Variants in GRIP1 observed in about 807,000 individuals in gnomAD.
GRIP1 encodes the protein glutamate receptor interacting protein 1.
Under a neutral mutation model 129.9 loss-of-function variants are expected in GRIP1, and 45 were observed. That is an observed-to-expected ratio of 0.35 (90% CI 0.27 to 0.44). The LOEUF (loss-of-function observed/expected upper bound fraction) is 0.44. GRIP1 is among the 20% of genes least tolerant of loss of function. The probability of loss-of-function intolerance (pLI) is 1.00; values close to 1 mark genes in which losing one functional copy is unlikely to be tolerated. For missense variants in GRIP1, 1,196 were observed against 1,396.8 expected (o/e 0.86, Z 2.29); for synonymous variants, 530 against 520.8 (o/e 1.02, Z -0.24).
intron 1 of GRIP1, among the ~76,000 whole-genome samples, chr12:66,704,481 G>A (rs918405478): frequency 6.6e-6 from 1 of 152,104 alleles, no homozygotes; most frequent in South Asian, 2.1e-4. Flanking sequence ...TGAAGAAACA[G>A]TGGGGGTAAA....
At chr12:66,971,586 T>G (rs998821971) in intron 1 of GRIP1, among the ~76,000 whole-genome samples, 1 of 152,174 alleles carries the variant, frequency 6.6e-6, no homozygotes, top group Non-Finnish European at 1.5e-5. Context: ...CTATAGTCCC[T>G]GCCCTTGAGG....
chr12:66,755,917 T>C (rs2037274655), intron 1 of GRIP1, among the ~76,000 whole-genome samples: 1 of 152,176 alleles, frequency 6.6e-6, no homozygotes, highest in South Asian at 2.1e-4. Flanking sequence ...TGGGTGCAGC[T>C]GCATGGCCAA....
chr12:66,463,336 A>T (rs984364639), intron 8 of GRIP1, among the ~76,000 whole-genome samples: 16 of 96,584 alleles, frequency 1.7e-4, no homozygotes, highest in African/African-American at 6.3e-4. Flanking sequence ...TCTTTCTTTA[A>T]AAAAAAAATC....
intron 19 of GRIP1, among the ~76,000 whole-genome samples, chr12:66,392,096 A>T (rs920856478): frequency 6.6e-6 from 1 of 152,208 alleles, no homozygotes; most frequent in Non-Finnish European, 1.5e-5. Flanking sequence ...GAGGCCTGTT[A>T]GTGTTTGGTA....
intron 13 of GRIP1, among the ~76,000 whole-genome samples, 183 bp downstream of exon 13, chr12:66,444,401 G>T (rs578104387): frequency 1.6e-4 from 24 of 150,628 alleles, no homozygotes; most frequent in African/African-American, 5.1e-4. Context: ...CAGGAGAATG[G>T]CGTGAACCCG....
rs140693829 is a variant in GRIP1, at chr12:66,724,113, G to C, written c.-420+79940C>G. On this transcript the variant is annotated intron_variant, in intron 1 of 4. Coordinates refer to the GRIP1 transcript ENST00000538373. ...CTGGGAATTCACGCTTGAGTAATGA[G>C]AGAAGATAGTTTGTATGTAGGTCTG... is the stretch of plus-strand genomic sequence containing the variant. Among the ~76,000 whole-genome samples the C allele has an allele frequency of 3.6e-3, 541 of 152,318 alleles. 8 individuals carry two copies. Among genetic ancestry groups the C allele is most frequent in the African/African-American group, 0.013 (521 of 41,566 alleles).
intron 1 of GRIP1, among the ~76,000 whole-genome samples, chr12:66,606,989 C>T (rs979332764): frequency 6.2e-5 from 9 of 145,018 alleles, no homozygotes; most frequent in African/African-American, 2.4e-4. Context: ...CACATCCTTA[C>T]TTGGAGAGAG....
intron 1 of GRIP1, among the ~76,000 whole-genome samples, chr12:66,725,626 G>A (rs555521592): frequency 6.6e-6 from 1 of 151,970 alleles, no homozygotes; most frequent in African/African-American, 2.4e-5. Context: ...AAATATTAGA[G>A]CTAGAAATGA....
At chr12:66,903,178 A>T (rs1404730108) in intron 1 of GRIP1, among the ~76,000 whole-genome samples, 1 of 152,188 alleles carries the variant, frequency 6.6e-6, no homozygotes, top group Non-Finnish European at 1.5e-5. Flanking sequence ...AACATGCAAA[A>T]AAGCATTAAA....
chr12:67,018,138 G>C (rs1473962230), intron 1 of GRIP1, among the ~76,000 whole-genome samples: 1 of 152,056 alleles, frequency 6.6e-6, no homozygotes, highest in Non-Finnish European at 1.5e-5. Flanking sequence ...CTCAGGGCTG[G>C]CCTTTCTCAG....
intron 7 of GRIP1, among the ~76,000 whole-genome samples, chr12:66,471,404 C>T (rs2059435377): frequency 6.6e-6 from 1 of 152,146 alleles, no homozygotes; most frequent in South Asian, 2.1e-4. Flanking sequence ...AAAATGACTG[C>T]TTAATGGATA....
intron 1 of GRIP1, among the ~76,000 whole-genome samples, chr12:66,619,394 A>G (rs1191496830): frequency 2.6e-5 from 4 of 152,168 alleles, no homozygotes; most frequent in African/African-American, 9.7e-5. Context: ...AAAAATGAAC[A>G]TAAGGAAAGA....
intron 11 of GRIP1, among the ~76,000 whole-genome samples, chr12:66,455,015 C>A (rs541743476): frequency 1.3e-5 from 2 of 152,198 alleles, no homozygotes; most frequent in East Asian, 1.9e-4. Context: ...ATCGTTTTCA[C>A]AAAATTTCTT....
chr12:66,981,820 T>C (rs1351483183), intron 1 of GRIP1, among the ~76,000 whole-genome samples: 1 of 152,198 alleles, frequency 6.6e-6, no homozygotes, highest in Admixed American at 6.6e-5. Context: ...GTCCTTCACA[T>C]TTGCCTACAT....
chr12:66,465,492 G>T, intron 7 of GRIP1, 70 bp from the exon 8 acceptor site: 1 of 1,351,958 alleles, frequency 7.4e-7, no homozygotes. Flanking sequence ...AGAAAGAGAT[G>T]AAGAATATTC....
At chr12:66,987,906 C>T (rs146893482) in intron 1 of GRIP1, among the ~76,000 whole-genome samples, 166 of 152,286 alleles carry the variant, frequency 1.1e-3, no homozygotes, top group Middle Eastern at 6.8e-3. Flanking sequence ...GGGAAAGCCA[C>T]GGAATGAACG....
chr12:66,678,287 A>G (rs2034432541), intron 1 of GRIP1, among the ~76,000 whole-genome samples: 2 of 152,126 alleles, frequency 1.3e-5, no homozygotes, highest in African/African-American at 4.8e-5. Context: ...TTTCAAATAA[A>G]CTTCTAGTAT....
chr12:66,782,071 T>G lies in GRIP1; in HGVS notation c.-420+21982A>C, dbSNP rs116391005. 8.1e-3 allele frequency among the ~76,000 whole-genome samples: 1,239 copies of G among 152,264 alleles called. 25 individuals are homozygous for G. The highest frequency in any genetic ancestry group is 0.028 in the African/African-American group (1,179 of 41,552). ...GAATTAGTGACTAGAAGGAGAGGCATAAAGGGAATTTTGAGGTGCTGGCTA... is the reference window on the plus strand; with the variant it reads ...GAATTAGTGACTAGAAGGAGAGGCAGAAAGGGAATTTTGAGGTGCTGGCTA... On this transcript the variant is annotated intron_variant, in intron 1 of 4. Coordinates refer to the GRIP1 transcript ENST00000538373.
At chr12:67,039,572 A>C (rs1208373226) in intron 1 of GRIP1, among the ~76,000 whole-genome samples, 1 of 152,180 alleles carries the variant, frequency 6.6e-6, no homozygotes, top group Non-Finnish European at 1.5e-5. Context: ...CAAAAGCTCC[A>C]TTTCCAGAAA....
Sources: gnomAD v4.1 joint callset for allele counts (sites outside exome capture counted in the v4.1 genomes callset) on GRCh38, gnomAD v4.1.1 for gene constraint, MANE v1.5 for transcripts, NCBI Gene and HGNC (gene_info 2026-07-23, HGNC 2026-07-21) for gene names.